The following DOCK3 variants were observed in gnomAD, a reference collection of about 807,000 sequenced individuals.
DOCK3 encodes dedicator of cytokinesis protein 3.
In DOCK3, 60 loss-of-function variants were observed where a neutral mutation model predicts 265.6. The observed-to-expected ratio is 0.23, with a 90% CI of 0.18 to 0.28. The LOEUF (loss-of-function observed/expected upper bound fraction) is 0.28. Among genes scored for constraint, DOCK3 ranks in the 10% least tolerant of loss-of-function variants. DOCK3 has a pLI of 1.00. For synonymous variants in DOCK3, 881 were observed against 938.0 expected (o/e 0.94, Z 1.11); for missense variants, 1,981 against 2,594.3 (o/e 0.76, Z 5.14).
Position 50,817,462 on chromosome 3 carries a change from AT to A in DOCK3, c.122-24199del, listed in dbSNP as rs1285081832. Reference sequence around the variant, plus strand: ...TTGAGCCACCATGCCAACTAATTAAATTTTTTTTTTTTTTATAGAGACAGAG... The same window carrying A: ...TTGAGCCACCATGCCAACTAATTAAATTTTTTTTTTTTTATAGAGACAGAG... On this transcript the variant is annotated intron_variant, in intron 2 of 52. Transcript: ENST00000266037. Among the ~76,000 whole-genome samples the A allele has an allele frequency of 3.9e-3, 586 of 149,854 alleles. 3 individuals carry two copies. Among genetic ancestry groups the A allele is most frequent in the African/African-American group, 0.013 (551 of 40,922 alleles).
At chr3:50,942,785 CAT>C (rs1164976168) in intron 5 of DOCK3, among the ~76,000 whole-genome samples, 1 of 151,828 alleles carries the variant, frequency 6.6e-6, no homozygotes, top group African/African-American at 2.4e-5. Context: ...AAATAACTTT[CAT>C]ATGTTAGTCT....
intron 1 of DOCK3, among the ~76,000 whole-genome samples, chr3:50,704,920 C>T (rs570037283): frequency 2.6e-5 from 4 of 152,248 alleles, no homozygotes; most frequent in Admixed American, 1.3e-4. Flanking sequence ...TGAGTCACCA[C>T]GCCCGGCCTC....
In DOCK3 at chr3:51,117,086, A is replaced by G. The variant is rs573328249; in HGVS notation, c.746+26702A>G. Among the ~76,000 whole-genome samples the G allele has an allele frequency of 6.3e-4, 96 of 152,234 alleles. 2 individuals are homozygous for G. In the Middle Eastern group the frequency reaches 0.01, roughly 16 times the overall value. On this transcript the variant is annotated intron_variant, in intron 9 of 52. Coordinates refer to ENST00000266037, the MANE Select transcript of DOCK3 (RefSeq NM_004947.5). ...CCAGCTTTTGCCCATTCAATATGAC[A>G]TTGGCTGTGGGTTTGTCATAAATAG...
In DOCK3 at chr3:51,381,544, C is replaced by A; in HGVS notation, c.6078C>A (p.Gly2026=). ...EEQARMAWEH[G]RGEQ ...AGGCCCGCATGGCCTGGGAGCACGGCCGAGGGGAGCAGTGAGGGGCAACGA... is the reference window on the plus strand; with the variant it reads ...AGGCCCGCATGGCCTGGGAGCACGGACGAGGGGAGCAGTGAGGGGCAACGA... The change falls in exon 53 of 53, where the codon GGC becomes GGA. Residue 2026 remains glycine (G), a synonymous_variant. Transcript: ENST00000266037. This position sits in a 1 kb window ranked among gnomAD's most constrained non-coding sequence, Gnocchi z 5.6. 1.3e-6 allele frequency: 2 copies of A among 1,539,672 alleles called. No homozygotes were observed. Among genetic ancestry groups the A allele is most frequent in the East Asian group, 2.3e-5 (1 of 42,982 alleles).
At chr3:51,368,472 G>A (rs1191730488) in intron 49 of DOCK3, among the ~76,000 whole-genome samples, 1 of 152,200 alleles carries the variant, frequency 6.6e-6, no homozygotes, top group Non-Finnish European at 1.5e-5. Flanking sequence ...ACAGCAGTCT[G>A]AGATTGAACT....
chr3:51,086,377 G>A (rs184525206), intron 7 of DOCK3, among the ~76,000 whole-genome samples: 10 of 152,032 alleles, frequency 6.6e-5, no homozygotes, highest in East Asian at 3.9e-4. Context: ...TGAACATGTC[G>A]CAGTGCTGCA....
intron 49 of DOCK3, among the ~76,000 whole-genome samples, chr3:51,364,818 T>C (rs1289328038): frequency 2.0e-5 from 3 of 152,146 alleles, no homozygotes; most frequent in East Asian, 1.9e-4. Context: ...TTTTTGAGGG[T>C]TCTATTCTGT....
intron 5 of DOCK3, among the ~76,000 whole-genome samples, chr3:51,052,193 T>C (rs1428012299): frequency 6.6e-6 from 1 of 152,162 alleles, no homozygotes; most frequent in Non-Finnish European, 1.5e-5. Context: ...TTTCAGTAGG[T>C]AAGACAGAGT....
intron 2 of DOCK3, among the ~76,000 whole-genome samples, chr3:50,803,027 C>CT (rs148585810): frequency 0.044 from 6,527 of 147,066 alleles, 443 homozygotes; most frequent in African/African-American, 0.15. Flanking sequence ...TACAGAAATT[C>CT]TTTTTTTTTT....
chr3:50,680,074 C>CCGTG (rs1402472978), intron 1 of DOCK3, among the ~76,000 whole-genome samples: 1 of 152,150 alleles, frequency 6.6e-6, no homozygotes, highest in Non-Finnish European at 1.5e-5. Flanking sequence ...TATTATTACA[C>CCGTG]CGTGTCCTCT....
chr3:51,255,912 G>A (rs545968426), intron 22 of DOCK3, among the ~76,000 whole-genome samples: 17 of 152,296 alleles, frequency 1.1e-4, no homozygotes, highest in African/African-American at 4.1e-4. Flanking sequence ...TGTTGCTGGC[G>A]AGGAGCTGTG....
At position 50,702,029 on chromosome 3, in the gene DOCK3, A is replaced by G. The variant is rs9846899; in HGVS notation, c.37+26729A>G. Among the ~76,000 whole-genome samples the G allele has an allele frequency of 3.5e-3, 526 of 152,318 alleles. 4 individuals carry two copies. Among genetic ancestry groups the G allele is most frequent in the African/African-American group, 0.012 (507 of 41,570 alleles). ...GCCTCTAGCTTTGTTCTTTTTGTACAAGATTACTTTGGCTATTCACAGTCT... is the reference window on the plus strand; with the variant it reads ...GCCTCTAGCTTTGTTCTTTTTGTACGAGATTACTTTGGCTATTCACAGTCT... On this transcript the variant is annotated intron_variant, in intron 1 of 52. Transcript: ENST00000266037.
intron 1 of DOCK3, among the ~76,000 whole-genome samples, chr3:50,775,065 T>TA (rs1331950327): frequency 2.0e-5 from 3 of 152,088 alleles, no homozygotes; most frequent in Non-Finnish European, 4.4e-5. Context: ...TGTATTTTTT[T>TA]AAAAAATGTT....
rs1036399351 is a variant in DOCK3, at chr3:51,357,744, C to T, written c.4684-14C>T. On this transcript the variant is annotated splice_polypyrimidine_tract_variant and intron_variant, in intron 44 of 52. Transcript: ENST00000266037. ...CTGGGAAGAGTCTTCCTGACTTGGC[C>T]TTTCCTTTCACAGGCCTTCTTTGAT... 8 of 1,613,836 alleles carry T rather than the reference C, an allele frequency of 5.0e-6. No homozygotes were observed. The highest frequency in any genetic ancestry group is 3.3e-5 in the Admixed American group (2 of 60,012).
At chr3:50,886,184 GGAGATATATATATATATATATATA>G (rs1324474898) in intron 3 of DOCK3, among the ~76,000 whole-genome samples, 2 of 117,822 alleles carry the variant, frequency 1.7e-5, no homozygotes, top group Admixed American at 1.7e-4. Context: ...TTTTTATTTT[GGAGATATATATATATATATATATA>G]TTCCAGAGTT....
chr3:51,312,658 A>G, intron 30 of DOCK3, 82 bp downstream of exon 30: 1 of 1,384,696 alleles, frequency 7.2e-7, no homozygotes, highest in African/African-American at 1.4e-5. Flanking sequence ...TCAGAGGTCC[A>G]CAAGGTTCTC....
At chr3:51,268,573 T>C (rs1359397850) in intron 23 of DOCK3, among the ~76,000 whole-genome samples, 1 of 152,214 alleles carries the variant, frequency 6.6e-6, no homozygotes, top group Non-Finnish European at 1.5e-5. Flanking sequence ...GCCAGGTATA[T>C]TGTTAGCCCA....
At chr3:50,978,876 G>A (rs1312199638) in intron 5 of DOCK3, among the ~76,000 whole-genome samples, 1 of 152,214 alleles carries the variant, frequency 6.6e-6, no homozygotes, top group Non-Finnish European at 1.5e-5. Context: ...CGTCGGAAAA[G>A]CGCAGTATTC....
chr3:51,330,031 C>A, intron 32 of DOCK3, 107 bp from the exon 33 acceptor site: 2 of 1,088,086 alleles, frequency 1.8e-6, no homozygotes, highest in Non-Finnish European at 2.7e-6. Context: ...GGAGCAAGGA[C>A]AGGATCAGGA....
Sources: gnomAD v4.1 joint callset for allele counts (sites outside exome capture counted in the v4.1 genomes callset) on GRCh38, gnomAD v4.1.1 for gene constraint, Gnocchi (gnomAD v3.1) non-coding constraint, MANE v1.5 for transcripts, NCBI Gene and HGNC (gene_info 2026-07-23, HGNC 2026-07-21) for gene names.